Variants in GNAS observed in about 807,000 individuals in gnomAD.
The protein encoded by GNAS is GNAS complex locus.
A neutral mutation model predicts 54.5 loss-of-function variants in GNAS; 8 were observed. The observed-to-expected ratio is 0.15, with a 90% CI of 0.09 to 0.26. The LOEUF (loss-of-function observed/expected upper bound fraction) is 0.26. Ranked by LOEUF, GNAS falls within the 10% of genes least tolerant of loss-of-function variation. The probability of loss-of-function intolerance (pLI) is 1.00; values close to 1 mark genes in which losing one functional copy is unlikely to be tolerated. For synonymous variants in GNAS, 204 were observed against 191.4 expected (o/e 1.07, Z -0.54); for missense variants, 170 against 529.8 (o/e 0.32, Z 6.67).
chr20:58,879,510 A>G (rs1420162659), intron 1 of GNAS, among the ~76,000 whole-genome samples: 34 of 152,206 alleles, frequency 2.2e-4, no homozygotes, highest in Non-Finnish European at 1.6e-4. Context: ...ATCGTGAAAA[A>G]GCATCTGGAT....
At chr20:58,903,062 A>G in intron 3 of GNAS, 2 of 319,288 alleles carry the variant, frequency 6.3e-6, no homozygotes, top group South Asian at 5.4e-5. Flanking sequence ...TATAAACACC[A>G]CCACCTGTGC....
chr20:58,892,012 C>A, intron 1 of GNAS, 147 bp downstream of exon 1: 1 of 787,362 alleles, frequency 1.3e-6, no homozygotes, highest in African/African-American at 1.9e-5. Context: ...GGGGGCGAGG[C>A]CGGAAGGGGG....
chr20:58,863,974 G>C lies in GNAS; in HGVS notation c.43+23088G>C, dbSNP rs941877629. ...GTAGGACAGTCCAGAACCCAAGAAG[G>C]GCCATGGACAGGACCCTTCCAAAGG... is the stretch of plus-strand genomic sequence containing the variant. On this transcript the variant is annotated intron_variant, in intron 1 of 12. Transcript: ENST00000306090. The surrounding 1 kb of genome is among the most constrained non-coding windows in gnomAD (Gnocchi z 4.1). 1.3e-5 allele frequency: 2 copies of C among 152,298 alleles called. No individual in the cohort carries two copies. Among genetic ancestry groups the C allele is most frequent in the Non-Finnish European group, 2.9e-5 (2 of 68,010 alleles). 9.4% of individuals were successfully genotyped at this position (152,298 alleles called of 1,614,324 possible). A position where few individuals can be genotyped will look rare whatever the true frequency, so the allele number is the denominator to read the frequency against.
chr20:58,903,698 G>A lies in GNAS; in HGVS notation c.339G>A (p.Leu113=). 6 of 1,613,896 alleles carry A rather than the reference G, an allele frequency of 3.7e-6. No homozygotes were observed. The highest frequency in any genetic ancestry group is 5.1e-6 in the Non-Finnish European group (6 of 1,179,900). Residue 113 remains leucine, a synonymous_variant, in exon 5 of 13, where the codon CTG becomes CTA. Coordinates refer to ENST00000371085, the MANE Select transcript of GNAS (RefSeq NM_000516.7). Reference sequence around the variant, plus strand: ...CCATTGTGGCCGCCATGAGCAACCTGGTGCCCCCCGTGGAGCTGGCCAACC... The same window carrying A: ...CCATTGTGGCCGCCATGAGCAACCTAGTGCCCCCCGTGGAGCTGGCCAACC... The part of the protein sequence containing the change: ...IETIVAAMSN[L]VPPVELANPE...
chr20:58,891,929 CGCGCGCCGAGCCCGCCCCCCGCCCCGG>C, intron 1 of GNAS, 64 bp downstream of exon 1: 1 of 933,554 alleles, frequency 1.1e-6, no homozygotes, highest in South Asian at 4.8e-5. Flanking sequence ...CCGCAGGCCG[CGCGCGCCGAGCCCGCCCCCCGCCCCGG>C]GCGCGCGCTC....
In GNAS at chr20:58,910,634, G is replaced by A; in HGVS notation, c.1039-49G>A. Reference sequence around the variant, plus strand: ...TAGGTGTCCCCATCAGGGATAGGGTGGTTCCTGGCGAGGGTGTCACTGACA... The same window carrying A: ...TAGGTGTCCCCATCAGGGATAGGGTAGTTCCTGGCGAGGGTGTCACTGACA... On this transcript the variant is annotated intron_variant, in intron 12 of 12. Coordinates refer to ENST00000371085, the MANE Select transcript of GNAS (RefSeq NM_000516.7). This position sits in a 1 kb window ranked among gnomAD's most constrained non-coding sequence, Gnocchi z 5.8. 1 of 1,609,272 alleles carries A rather than the reference G, an allele frequency of 6.2e-7. No homozygotes were observed. The highest frequency in any genetic ancestry group is 8.5e-7 in the Non-Finnish European group (1 of 1,175,810).
At position 58,854,884 on chromosome 20, in the gene GNAS, CGCCTACTCCGCG is replaced by C. The variant is rs1486889685; in HGVS notation, c.43+14007_43+14018del. ...AGCCCCGAGATCCAGGCTGCCGATC[CGCCTACTCCGCG>C]GCCTACTCGCGCGTCTGCCTGGCGG... is the stretch of plus-strand genomic sequence containing the variant. On this transcript the variant is annotated intron_variant, in intron 1 of 12. Coordinates refer to the GNAS transcript ENST00000306090. 1.3e-6 allele frequency: 2 copies of C among 1,593,298 alleles called. No homozygotes were observed. Among genetic ancestry groups the C allele is most frequent in the Non-Finnish European group, 1.7e-6 (2 of 1,173,090 alleles).
At chr20:58,854,336 A>G in intron 1 of GNAS, 2 of 1,590,682 alleles carry the variant, frequency 1.3e-6, no homozygotes, top group East Asian at 4.6e-5. Flanking sequence ...TTGAGGAGGA[A>G]GCAGCAGAGA....
chr20:58,863,400 G>A lies in GNAS; in HGVS notation c.43+22514G>A, dbSNP rs1040081262. 6.6e-6 allele frequency: 1 copy of A among 152,084 alleles called. No individual in the cohort carries two copies. Among genetic ancestry groups the A allele is most frequent in the African/African-American group, 2.4e-5 (1 of 41,400 alleles). 9.4% of individuals were successfully genotyped at this position (152,084 alleles called of 1,614,324 possible). A position where few individuals can be genotyped will look rare whatever the true frequency, so the allele number is the denominator to read the frequency against. Reference sequence around the variant, plus strand: ...GTTCTGCCCACAGAACTGCACATTGGATCTTACTAAATGTTTTTTAATGAT... The same window carrying A: ...GTTCTGCCCACAGAACTGCACATTGAATCTTACTAAATGTTTTTTAATGAT... On this transcript the variant is annotated intron_variant, in intron 1 of 12. Coordinates refer to the GNAS transcript ENST00000306090. This position sits in a 1 kb window ranked among gnomAD's most constrained non-coding sequence, Gnocchi z 4.1.
upstream of GNAS, among the ~76,000 whole-genome samples, chr20:58,887,546 AT>A (rs1338608895): frequency 2.0e-5 from 3 of 152,236 alleles, no homozygotes; most frequent in African/African-American, 7.2e-5. Context: ...ATTCAGGTGT[AT>A]CTGCACAATA....
intron 1 of GNAS, among the ~76,000 whole-genome samples, chr20:58,872,788 AC>A (rs1489150627): frequency 6.6e-6 from 1 of 152,222 alleles, no homozygotes; most frequent in African/African-American, 2.4e-5. Flanking sequence ...GATGCAAATC[AC>A]AAGAGCAGAC....
At chr20:58,849,716 C>T (rs1034929315) in intron 1 of GNAS, among the ~76,000 whole-genome samples, 1 of 152,228 alleles carries the variant, frequency 6.6e-6, no homozygotes, top group Non-Finnish European at 1.5e-5. Context: ...ATAAGAGCTG[C>T]TCCAGGAGGA....
intron 1 of GNAS, chr20:58,854,270 G>A (rs536976542): frequency 5.0e-6 from 8 of 1,611,876 alleles, no homozygotes; most frequent in African/African-American, 4.0e-5. Context: ...TTGACGGCCC[G>A]CCCATCAAGG....
chr20:58,893,175 G>A (rs1308774817), intron 1 of GNAS, among the ~76,000 whole-genome samples: 2 of 145,550 alleles, frequency 1.4e-5, no homozygotes, highest in African/African-American at 5.2e-5. Flanking sequence ...ACATTAATTA[G>A]TTGTTTATCA....
chr20:58,859,417 G>A (rs2086666003), intron 1 of GNAS, among the ~76,000 whole-genome samples: 1 of 152,012 alleles, frequency 6.6e-6, no homozygotes, highest in African/African-American at 2.4e-5. Context: ...GTTCAAGCTG[G>A]TCTCGAACTC....
At chr20:58,885,285 T>G (rs753355751) in intron 1 of GNAS, among the ~76,000 whole-genome samples, 1 of 152,190 alleles carries the variant, frequency 6.6e-6, no homozygotes, top group Non-Finnish European at 1.5e-5. Context: ...CAAGAAGGGC[T>G]GCAAAACGTC....
In GNAS at chr20:58,840,947, A is replaced by G; in HGVS notation, c.43+61A>G. The stretch of plus-strand genomic sequence containing the variant: ...GCGGTGTGGGAGCAGCGCAGGTGGA[A>G]AGGAGGTGAGAAGGAAAGGCAGGTC... On this transcript the variant is annotated intron_variant, in intron 1 of 12. Coordinates refer to the GNAS transcript ENST00000306090. The surrounding 1 kb of genome is among the most constrained non-coding windows in gnomAD (Gnocchi z 6.0). The G allele has an allele frequency of 1.3e-6, 2 of 1,565,768 alleles. No homozygotes were observed. The highest frequency in any genetic ancestry group is 2.3e-5 in the South Asian group (2 of 87,878).
chr20:58,854,006 A>C (rs768065538), intron 1 of GNAS: 1 of 1,611,890 alleles, frequency 6.2e-7, no homozygotes, highest in East Asian at 2.2e-5. Context: ...GAGTTATCGC[A>C]CAAGTCGACG....
intron 1 of GNAS, chr20:58,848,898 C>T: frequency 7.5e-6 from 3 of 398,554 alleles, no homozygotes; most frequent in Non-Finnish European, 4.4e-6. Flanking sequence ...TTAGGTTTTT[C>T]AGAGTCTGGT....
Sources: allele counts gnomAD v4.1 joint callset (sites outside exome capture counted in the v4.1 genomes callset), GRCh38; gene constraint gnomAD v4.1.1; non-coding constraint Gnocchi (gnomAD v3.1); transcripts MANE v1.5; gene names NCBI Gene and HGNC (gene_info 2026-07-23, HGNC 2026-07-21).